The following GLB1L3 variants were observed in gnomAD, a reference collection of about 807,000 sequenced individuals.
GLB1L3 encodes the protein galactosidase beta 1 like 3, also known as beta-galactosidase-1-like protein 3.
GLB1L3 carries 89 observed loss-of-function variants against 89.5 expected under a neutral mutation model. The ratio of observed to expected loss-of-function variants is 0.99; its 90% CI spans 0.84 to 1.19. GLB1L3 has a LOEUF of 1.19. GLB1L3 is among the 50% of genes most tolerant of loss of function. GLB1L3 has a pLI of 0.00. For missense variants in GLB1L3, 812 were observed against 813.3 expected (o/e 1.00, Z 0.02); for synonymous variants, 314 against 312.3 (o/e 1.01, Z -0.06).
chr11:134,309,435 G>A (rs1942608718), intron 10 of GLB1L3, among the ~76,000 whole-genome samples, 191 bp from the exon 11 acceptor site: 1 of 151,298 alleles, frequency 6.6e-6, no homozygotes, highest in South Asian at 2.1e-4. Flanking sequence ...TTATAAAATT[G>A]AGAGAAAAAT....
Position 134,293,184 on chromosome 11 carries a change from C to G in GLB1L3, c.851C>G (p.Thr284Ser). 1 of 1,613,894 alleles carries G rather than the reference C, an allele frequency of 6.2e-7. No individual in the cohort carries two copies. The highest frequency in any genetic ancestry group is 8.5e-7 in the Non-Finnish European group (1 of 1,179,792). Residue 284 changes from threonine (T) to serine (S), a missense_variant, in exon 9 of 20, where the codon ACT (threonine) becomes AGT (serine). Thr to Ser is a moderately conservative substitution (Grantham distance 58). Around this residue, in one of 3 missense-constraint regions of GLB1L3, gnomAD observed 618 missense variants for 604.0 expected, o/e 1.02. Transcript: ENST00000431683. ...AATTTGCAAAAACTTCACCAGGATA[C>G]TTTCAATCAGCTTCATAAAGTCCAG... ...AINLQKLHQD[T>S]FNQLHKVQRD...
chr11:134,291,822 A>G lies in GLB1L3; in HGVS notation c.730-310A>G, dbSNP rs189254736. 1.8e-4 allele frequency among the ~76,000 whole-genome samples: 27 copies of G among 152,240 alleles called. No homozygotes were observed. The East Asian group carries it at 5.0e-3, about 28-fold the overall frequency. On this transcript the variant is annotated intron_variant, in intron 7 of 19. Transcript: ENST00000431683. ...AGCCCCCGTTTCTACTAAAGAAAAA[A>G]AAATTAGCTGGACATGGTGGCGTGT...
intron 9 of GLB1L3, among the ~76,000 whole-genome samples, chr11:134,293,651 C>T (rs1941480235): frequency 6.6e-6 from 1 of 152,206 alleles, no homozygotes; most frequent in South Asian, 2.1e-4. Context: ...CACCTTCTCT[C>T]AGTGGGTGAC....
At chr11:134,305,003 C>A in intron 9 of GLB1L3, 1 of 1,235,562 alleles carries the variant, frequency 8.1e-7, no homozygotes, top group Non-Finnish European at 1.1e-6. Flanking sequence ...TGCGACTGCG[C>A]TAACAATGTA....
chr11:134,312,943 G>T, intron 15 of GLB1L3, 56 bp downstream of exon 15: 1 of 1,208,556 alleles, frequency 8.3e-7, no homozygotes, highest in Non-Finnish European at 1.2e-6. Flanking sequence ...TGCAGACGGA[G>T]CCTGGTCCTG....
At chr11:134,286,286 G>A (rs12792603) in intron 6 of GLB1L3, among the ~76,000 whole-genome samples, 1 of 152,202 alleles carries the variant, frequency 6.6e-6, no homozygotes, top group Non-Finnish European at 1.5e-5. Flanking sequence ...AGAGAGCTTA[G>A]GAATGGTGTT....
At chr11:134,318,848 C>T in intron 19 of GLB1L3, 29 bp from the exon 20 acceptor site, 1 of 1,598,192 alleles carries the variant, frequency 6.3e-7, no homozygotes. Flanking sequence ...CTTCACCTTT[C>T]CCACTGTCAA....
At chr11:134,308,398 TCACCATCACCA>T (rs1942430330) in intron 10 of GLB1L3, among the ~76,000 whole-genome samples, 1 of 26,468 alleles carries the variant, frequency 3.8e-5, no homozygotes, top group Non-Finnish European at 6.9e-5. Context: ...ATCACCACCA[TCACCATCACCA>T]CCACCACCAT....
At chr11:134,289,243 A>G (rs1941200752) in intron 7 of GLB1L3, among the ~76,000 whole-genome samples, 1 of 152,114 alleles carries the variant, frequency 6.6e-6, no homozygotes, top group South Asian at 2.1e-4. Flanking sequence ...CAGAAAATGT[A>G]TTGACTTCTC....
intron 11 of GLB1L3, chr11:134,310,130 CT>C: frequency 2.6e-6 from 1 of 389,248 alleles, no homozygotes; most frequent in South Asian, 3.4e-5. Flanking sequence ...GGTGTCCACT[CT>C]TTTGGCTTCC....
chr11:134,294,165 C>T (rs569412874), intron 9 of GLB1L3, among the ~76,000 whole-genome samples: 2 of 152,084 alleles, frequency 1.3e-5, no homozygotes, highest in South Asian at 2.1e-4. Flanking sequence ...CTCCTTGGTT[C>T]AAGCGATTCT....
chr11:134,317,825 T>G (rs1338770924), intron 18 of GLB1L3, among the ~76,000 whole-genome samples: 1 of 152,234 alleles, frequency 6.6e-6, no homozygotes, highest in Non-Finnish European at 1.5e-5. Flanking sequence ...TGATATGTTT[T>G]GAATCTCTGC....
At position 134,293,160 on chromosome 11, in the gene GLB1L3, A is replaced by G. The variant is rs747243903; in HGVS notation, c.827A>G (p.Asn276Ser). ...CTTTATGCAGTGTTGGCCGCCATCA[A>G]TTTGCAAAAACTTCACCAGGATACT... ...GHTKGVLAAI[N>S]LQKLHQDTFN... The change falls in exon 9 of 20, where the codon AAT (asparagine) becomes AGT (serine). Residue 276 changes from asparagine (N) to serine (S), a missense_variant. This residue lies in a region of GLB1L3 where 618 missense variants were observed against 604.0 expected (regional missense o/e 1.02). Transcript: ENST00000431683. 23 of 1,613,752 alleles carry G rather than the reference A, an allele frequency of 1.4e-5. 1 individual carries two copies. Among genetic ancestry groups the G allele is most frequent in the Middle Eastern group, 1.6e-4 (1 of 6,062 alleles).
At chr11:134,305,168 T>A (rs1257488810) in intron 9 of GLB1L3, 1 of 1,279,482 alleles carries the variant, frequency 7.8e-7, no homozygotes, top group East Asian at 2.5e-5. Context: ...CAGCAACTTC[T>A]TCCTCCTTAT....
In GLB1L3 at chr11:134,293,071, C is replaced by T. The variant is rs568471469; in HGVS notation, c.812-74C>T. Reference sequence around the variant, plus strand: ...GGGTTCCTCCTGCGTGCGTCCGGGCCGGGGGCGCATTCCTTCCCTTCCCTG... The same window carrying T: ...GGGTTCCTCCTGCGTGCGTCCGGGCTGGGGGCGCATTCCTTCCCTTCCCTG... On this transcript the variant is annotated intron_variant, in intron 8 of 19. Transcript: ENST00000431683. The T allele has an allele frequency of 2.5e-5, 31 of 1,243,188 alleles. No individual in the cohort carries two copies. In the East Asian group the frequency reaches 3.0e-4, roughly 12 times the overall value. The allele number at this position is 1,243,188 out of a possible 1,614,324, so 77.0% of individuals were successfully genotyped here.
intron 6 of GLB1L3, among the ~76,000 whole-genome samples, chr11:134,285,665 C>A (rs1380705863): frequency 3.3e-5 from 5 of 152,032 alleles, no homozygotes; most frequent in African/African-American, 1.2e-4. Flanking sequence ...ACCTGTAGTC[C>A]CAACTACTCG....
chr11:134,324,100 A>G (rs775293262), downstream of GLB1L3, among the ~76,000 whole-genome samples: 2 of 152,216 alleles, frequency 1.3e-5, no homozygotes, highest in Non-Finnish European at 2.9e-5. Flanking sequence ...TTCATTTCAT[A>G]ACTATTTCTT....
At chr11:134,298,291 G>A (rs1019613302) in intron 9 of GLB1L3, among the ~76,000 whole-genome samples, 1 of 152,140 alleles carries the variant, frequency 6.6e-6, no homozygotes, top group Non-Finnish European at 1.5e-5. Context: ...TGGAAAAGGA[G>A]AGAATACTTC....
chr11:134,315,150 C>T (rs1011325599), intron 18 of GLB1L3, among the ~76,000 whole-genome samples: 2 of 152,028 alleles, frequency 1.3e-5, no homozygotes, highest in East Asian at 3.8e-4. Flanking sequence ...AGCCATTTAT[C>T]GATGTTGCAG....
Sources: gnomAD v4.1 joint callset for allele counts (sites outside exome capture counted in the v4.1 genomes callset) on GRCh38, gnomAD v4.1.1 for gene constraint, gnomAD v4.1.1 regional missense constraint, MANE v1.5 for transcripts, NCBI Gene and HGNC (gene_info 2026-07-23, HGNC 2026-07-21) for gene names.